TLN2: variants seen among roughly 807,000 people sequenced by gnomAD.
TLN2 encodes the protein talin 2.
Under a neutral mutation model 294.7 loss-of-function variants are expected in TLN2, and 118 were observed. That is an observed-to-expected ratio of 0.40 (90% CI 0.34 to 0.47). The LOEUF (loss-of-function observed/expected upper bound fraction) is 0.47. Ranked by LOEUF, TLN2 falls within the 20% of genes least tolerant of loss-of-function variation. TLN2 has a pLI of 0.84. For synonymous variants in TLN2, 1,431 were observed against 1,304.5 expected (o/e 1.10, Z -2.09); for missense variants, 3,083 against 3,282.2 (o/e 0.94, Z 1.48).
rs899096910 is a variant in TLN2 at position 62,745,331 on chromosome 15, T to TA, written c.4026-3010dup. Among the ~76,000 whole-genome samples the TA allele has an allele frequency of 9.4e-3, 1,400 of 149,550 alleles. 22 individuals carry two copies. Among genetic ancestry groups the TA allele is most frequent in the African/African-American group, 0.027 (1,104 of 40,848 alleles). ...GGCTTTGATCACTAAAAAAAGATGG[T>TA]AAAAAAAAAATAAAAGTAACTGTAC... On this transcript the variant is annotated intron_variant, in intron 32 of 58. Transcript: ENST00000636159.
chr15:62,550,863 A>G (rs1314461707), intron 1 of TLN2, among the ~76,000 whole-genome samples: 2 of 152,212 alleles, frequency 1.3e-5, no homozygotes, highest in Non-Finnish European at 2.9e-5. Context: ...CAGGGTCTGC[A>G]GGAATGGTTT....
chr15:62,575,600 T>TA (rs529499340), intron 1 of TLN2, among the ~76,000 whole-genome samples: 1 of 96,346 alleles, frequency 1.0e-5, no homozygotes. Context: ...TGGAATCACT[T>TA]AAAAAACACA....
intron 1 of TLN2, among the ~76,000 whole-genome samples, chr15:62,535,680 G>A (rs2041307410): frequency 2.0e-5 from 3 of 151,622 alleles, no homozygotes; most frequent in Admixed American, 2.0e-4. Context: ...CTCAGCCACT[G>A]GAGTAGATGG....
At chr15:62,428,821 C>A (rs2034854505) in intron 1 of TLN2, among the ~76,000 whole-genome samples, 1 of 152,084 alleles carries the variant, frequency 6.6e-6, no homozygotes, top group African/African-American at 2.4e-5. Context: ...ACTGTAGTTT[C>A]CAGTAGGTAA....
intron 25 of TLN2, 56 bp from the exon 26 acceptor site, chr15:62,722,297 C>G: frequency 6.4e-7 from 1 of 1,559,786 alleles, no homozygotes; most frequent in South Asian, 1.2e-5. Context: ...TTAGGTCTCT[C>G]CTCTCTACCT....
intron 1 of TLN2, among the ~76,000 whole-genome samples, chr15:62,567,079 G>GT (rs1459961701): frequency 6.6e-6 from 1 of 152,114 alleles, no homozygotes; most frequent in Admixed American, 6.6e-5. Context: ...TTAGTTATCT[G>GT]TTTTTTTCCC....
intron 20 of TLN2, among the ~76,000 whole-genome samples, 190 bp downstream of exon 20, chr15:62,707,443 GC>G (rs2059139813): frequency 6.6e-6 from 1 of 152,184 alleles, no homozygotes; most frequent in Non-Finnish European, 1.5e-5. Context: ...TTTGTTCTTT[GC>G]CCAAGTCCTC....
intron 1 of TLN2, among the ~76,000 whole-genome samples, chr15:62,522,991 C>T (rs2040547381): frequency 6.6e-6 from 1 of 151,986 alleles, no homozygotes; most frequent in Non-Finnish European, 1.5e-5. Flanking sequence ...CTCTCACTCA[C>T]ACTCATTCAC....
At chr15:62,636,069 C>T (rs8043198) in intron 3 of TLN2, among the ~76,000 whole-genome samples, 88,118 of 151,892 alleles carry the variant, frequency 0.58, 25,943 homozygotes, top group Middle Eastern at 0.7. Flanking sequence ...AGCATCAGTG[C>T]CAGGCGCGTA....
chr15:62,397,098 C>T (rs1027946600), intron 1 of TLN2, among the ~76,000 whole-genome samples: 1 of 152,152 alleles, frequency 6.6e-6, no homozygotes, highest in African/African-American at 2.4e-5. Flanking sequence ...GAATCCAAGT[C>T]TCTTTCCATA....
At position 62,648,189 on chromosome 15, in the gene TLN2, G is replaced by C. The variant is rs781359970; in HGVS notation, c.136+743G>C. Reference sequence around the variant, plus strand: ...TAATCCAAGCACTTTGGGAGGCCAAGGCGGGAAGATCGCTTGAACCCAGGA... The same window carrying C: ...TAATCCAAGCACTTTGGGAGGCCAACGCGGGAAGATCGCTTGAACCCAGGA... On this transcript the variant is annotated intron_variant, in intron 4 of 58. Coordinates refer to ENST00000636159, the MANE Select transcript of TLN2 (RefSeq NM_015059.3). 6.6e-4 allele frequency among the ~76,000 whole-genome samples: 101 copies of C among 152,118 alleles called. 1 individual carries two copies. The highest frequency in any genetic ancestry group is 8.8e-4 in the Non-Finnish European group (60 of 68,026).
At chr15:62,411,261 C>T (rs973494948) in intron 1 of TLN2, among the ~76,000 whole-genome samples, 11 of 152,166 alleles carry the variant, frequency 7.2e-5, no homozygotes, top group African/African-American at 2.4e-4. Flanking sequence ...GGACAAGTCA[C>T]CTAACCACTG....
chr15:62,752,811 A>G (rs889465054), intron 35 of TLN2, among the ~76,000 whole-genome samples: 3 of 152,226 alleles, frequency 2.0e-5, no homozygotes, highest in African/African-American at 7.2e-5. Context: ...AGAATCAGAG[A>G]GAGAAAAAAA....
intron 28 of TLN2, among the ~76,000 whole-genome samples, chr15:62,734,938 A>G (rs1169702808): frequency 6.6e-6 from 1 of 152,178 alleles, no homozygotes; most frequent in African/African-American, 2.4e-5. Context: ...TAAAGACTAC[A>G]CTCACTGGTG....
rs201950750 is a variant in TLN2 at position 62,455,085 on chromosome 15, AAAAT to A, written c.-238+64407_-238+64410del. Among the ~76,000 whole-genome samples, 183 of 151,956 alleles carry A rather than the reference AAAAT, an allele frequency of 1.2e-3. 1 individual carries two copies. The highest frequency in any genetic ancestry group is 3.4e-3 in the Middle Eastern group (1 of 294). ...AAGGAATTTGAGCAAAGGAGGGAGA[AAAAT>A]AAATAACTATTTTTAAAGGGAACCA... On this transcript the variant is annotated intron_variant, in intron 1 of 58. Coordinates refer to ENST00000636159, the MANE Select transcript of TLN2 (RefSeq NM_015059.3).
At chr15:62,463,029 C>T (rs1195642603) in intron 1 of TLN2, among the ~76,000 whole-genome samples, 1 of 152,158 alleles carries the variant, frequency 6.6e-6, no homozygotes, top group Admixed American at 6.5e-5. Flanking sequence ...GGTACTTATT[C>T]CCCGTCAGAG....
chr15:62,595,149 G>A (rs1185509033), intron 2 of TLN2, among the ~76,000 whole-genome samples: 1 of 152,180 alleles, frequency 6.6e-6, no homozygotes, highest in Non-Finnish European at 1.5e-5. Context: ...TGGGCTGGGT[G>A]CGGTGGCTCA....
chr15:62,748,185 T>C (rs1195476937), intron 32 of TLN2, among the ~76,000 whole-genome samples, 166 bp from the exon 33 acceptor site: 5 of 152,118 alleles, frequency 3.3e-5, no homozygotes. Flanking sequence ...CTGTCTTCCC[T>C]GGGTGTGGTT....
At chr15:62,597,135 T>TTTTTC (rs2046598399) in intron 2 of TLN2, among the ~76,000 whole-genome samples, 1 of 152,134 alleles carries the variant, frequency 6.6e-6, no homozygotes, top group African/African-American at 2.4e-5. Flanking sequence ...GCAGCCAGCC[T>TTTTTC]TTTTCTTTTT....
Sources: allele counts gnomAD v4.1 joint callset (sites outside exome capture counted in the v4.1 genomes callset), GRCh38; gene constraint gnomAD v4.1.1; transcripts MANE v1.5; gene names NCBI Gene and HGNC (gene_info 2026-07-23, HGNC 2026-07-21).